The following DNM3 variants were observed in gnomAD, a reference collection of about 807,000 sequenced individuals.
The protein encoded by DNM3 is dynamin-3.
A neutral mutation model predicts 101.6 loss-of-function variants in DNM3; 47 were observed. The observed-to-expected ratio is 0.46, with a 90% CI of 0.37 to 0.59. DNM3 has a LOEUF of 0.59. Ranked by LOEUF, DNM3 falls within the 20% of genes least tolerant of loss-of-function variation. DNM3 has a pLI of 0.00. For missense variants in DNM3, 849 were observed against 1,085.7 expected (o/e 0.78, Z 3.06); for synonymous variants, 385 against 387.9 (o/e 0.99, Z 0.09).
At chr1:172,124,378 A>C (rs373107577) in intron 13 of DNM3, among the ~76,000 whole-genome samples, 2 of 152,344 alleles carry the variant, frequency 1.3e-5, no homozygotes, top group African/African-American at 4.8e-5. Context: ...TGCAAAATTC[A>C]GGAATTTGCA....
At chr1:172,056,829 A>G (rs891123650) in intron 10 of DNM3, among the ~76,000 whole-genome samples, 1 of 152,254 alleles carries the variant, frequency 6.6e-6, no homozygotes, top group East Asian at 1.9e-4. Context: ...CAGCAAAGGA[A>G]CAAAGCTGGA....
chr1:172,352,355 T>C (rs1057365958), intron 17 of DNM3, among the ~76,000 whole-genome samples: 1 of 152,174 alleles, frequency 6.6e-6, no homozygotes, highest in African/African-American at 2.4e-5. Flanking sequence ...AAGTGAACTT[T>C]TTTTTTCTTT....
intron 10 of DNM3, among the ~76,000 whole-genome samples, chr1:172,062,240 A>G (rs1243761127): frequency 1.3e-5 from 2 of 152,264 alleles, no homozygotes; most frequent in East Asian, 3.9e-4. Flanking sequence ...GAAGAGAGAG[A>G]TAAAAATCTG....
intron 20 of DNM3, 107 bp from the exon 21 acceptor site, chr1:172,407,665 T>C (rs1162767291): frequency 1.9e-6 from 2 of 1,079,026 alleles, no homozygotes; most frequent in East Asian, 2.4e-5. Context: ...TCTGCTGGCC[T>C]GTATGTGCAT....
At chr1:172,292,702 T>G (rs2063980430) in intron 15 of DNM3, among the ~76,000 whole-genome samples, 1 of 152,168 alleles carries the variant, frequency 6.6e-6, no homozygotes, top group African/African-American at 2.4e-5. Context: ...CTGCCATTAC[T>G]TTTGCATTAA....
Position 172,253,668 on chromosome 1 carries a change from T to C in DNM3, c.1755T>C (p.Phe585=). The C allele has an allele frequency of 6.3e-7, 1 of 1,577,906 alleles. No individual in the cohort carries two copies. The highest frequency in any genetic ancestry group is 8.6e-7 in the Non-Finnish European group (1 of 1,160,798). ...CTAGCAAGCACATCTTTGCACTCTT[T>C]AATACAGAGCAAAGGTAAGAAATTG... ...FMSSKHIFAL[F]NTEQRNVYKD... The change falls in exon 15 of 21, where the codon TTT becomes TTC. Residue 585 remains phenylalanine, a synonymous_variant. Coordinates refer to ENST00000627582, the MANE Select transcript of DNM3 (RefSeq NM_015569.5).
intron 17 of DNM3, among the ~76,000 whole-genome samples, chr1:172,347,095 G>T (rs1002608619): frequency 5.3e-5 from 8 of 152,052 alleles, no homozygotes; most frequent in African/African-American, 1.9e-4. Flanking sequence ...TTGAATGTAA[G>T]GTCTGAATTC....
chr1:172,006,842 C>T (rs1044116346), intron 4 of DNM3, among the ~76,000 whole-genome samples: 4 of 152,054 alleles, frequency 2.6e-5, no homozygotes, highest in Non-Finnish European at 5.9e-5. Context: ...TCCAAGAAAC[C>T]ATTGAACTGT....
intron 13 of DNM3, among the ~76,000 whole-genome samples, chr1:172,094,308 C>G (rs1273518569): frequency 2.6e-5 from 4 of 152,056 alleles, no homozygotes; most frequent in Admixed American, 6.6e-5. Flanking sequence ...ACTATGTCTT[C>G]TTTTATGGAA....
intron 14 of DNM3, among the ~76,000 whole-genome samples, chr1:172,220,439 G>A (rs991411442): frequency 6.6e-6 from 1 of 152,148 alleles, no homozygotes; most frequent in African/African-American, 2.4e-5. Context: ...TCAAAAAAGA[G>A]AGCTCAAGAA....
At position 172,047,435 on chromosome 1, in the gene DNM3, T is replaced by C. The variant is rs373828015; in HGVS notation, c.1197-1177T>C. Among the ~76,000 whole-genome samples the C allele has an allele frequency of 1.9e-4, 29 of 152,204 alleles. No homozygotes were observed. The South Asian group carries it at 5.8e-3, about 30-fold the overall frequency. ...CAGGTGGGATTTGAATAGGCCAAAA[T>C]TGTTAACAGGGTAAAATGAACATCA... On this transcript the variant is annotated intron_variant, in intron 9 of 20. Transcript: ENST00000627582.
chr1:172,253,516 TC>T, intron 14 of DNM3, 56 bp from the exon 15 acceptor site: 1 of 1,093,716 alleles, frequency 9.1e-7, no homozygotes, highest in Non-Finnish European at 1.3e-6. Context: ...TCTCCTCTCC[TC>T]TCCTCTCCTC....
chr1:172,396,004 G>T (rs1331395605), intron 20 of DNM3, among the ~76,000 whole-genome samples: 1 of 152,214 alleles, frequency 6.6e-6, no homozygotes, highest in Non-Finnish European at 1.5e-5. Context: ...CCTACACAAG[G>T]CAAGAAGTCT....
chr1:172,218,949 T>C (rs2060803344), intron 14 of DNM3, among the ~76,000 whole-genome samples: 1 of 152,162 alleles, frequency 6.6e-6, no homozygotes, highest in African/African-American at 2.4e-5. Context: ...TGAACTGTTA[T>C]CATGTGCATG....
intron 1 of DNM3, among the ~76,000 whole-genome samples, chr1:171,918,390 T>C (rs1475146016): frequency 2.0e-5 from 3 of 152,198 alleles, no homozygotes; most frequent in Non-Finnish European, 4.4e-5. Flanking sequence ...GAAGGTTCTG[T>C]GTTTCTCATT....
chr1:172,035,988 T>C (rs2048928213), intron 6 of DNM3, among the ~76,000 whole-genome samples: 1 of 152,006 alleles, frequency 6.6e-6, no homozygotes, highest in Admixed American at 6.6e-5. Context: ...TCCTTACTTT[T>C]TTTTTCTTTT....
chr1:172,069,879 A>G (rs369309135), intron 11 of DNM3, among the ~76,000 whole-genome samples: 24 of 152,290 alleles, frequency 1.6e-4, no homozygotes, highest in African/African-American at 5.8e-4. Flanking sequence ...GAAGGAGGTG[A>G]GGGAGAAATG....
At chr1:172,245,412 G>T (rs937178360) in intron 14 of DNM3, among the ~76,000 whole-genome samples, 1 of 152,134 alleles carries the variant, frequency 6.6e-6, no homozygotes, top group African/African-American at 2.4e-5. Flanking sequence ...TCCGACCAGG[G>T]TGCGAGGAAC....
chr1:172,410,553 C>T lies in DNM3; in HGVS notation c.*2712C>T. ...CATGCATATTGACTAATTGGAATAA[C>T]CATTTACTCAATTATGGACAGCTTA... On this transcript the variant is annotated 3_prime_UTR_variant, in exon 21 of 21. Coordinates refer to ENST00000627582, the MANE Select transcript of DNM3 (RefSeq NM_015569.5). 1.0e-6 allele frequency: 1 copy of T among 984,040 alleles called. No homozygotes were observed. The highest frequency in any genetic ancestry group is 1.2e-6 in the Non-Finnish European group (1 of 828,738). The allele number at this position is 984,040 out of a possible 1,614,324, so 61.0% of individuals were successfully genotyped here. A position where few individuals can be genotyped will look rare whatever the true frequency, so the allele number is the denominator to read the frequency against.
Sources: gnomAD v4.1 joint callset for allele counts (sites outside exome capture counted in the v4.1 genomes callset) on GRCh38, gnomAD v4.1.1 for gene constraint, MANE v1.5 for transcripts, NCBI Gene and HGNC (gene_info 2026-07-23, HGNC 2026-07-21) for gene names.